Variants in GPHN observed in about 807,000 individuals in gnomAD.
The protein encoded by GPHN is gephyrin.
In GPHN, 17 loss-of-function variants were observed where a neutral mutation model predicts 95.5. The ratio of observed to expected loss-of-function variants is 0.18; its 90% CI spans 0.12 to 0.27. The LOEUF (loss-of-function observed/expected upper bound fraction) is 0.27. Among genes scored for constraint, GPHN ranks in the 10% least tolerant of loss-of-function variants. The pLI, the probability that GPHN is intolerant of heterozygous loss-of-function variation, is 1.00. For synonymous variants in GPHN, 320 were observed against 322.5 expected (o/e 0.99, Z 0.08); for missense variants, 660 against 978.1 (o/e 0.67, Z 4.34).
At chr14:67,010,058 C>T (rs146120876) in intron 9 of GPHN, among the ~76,000 whole-genome samples, 5 of 151,866 alleles carry the variant, frequency 3.3e-5, no homozygotes, top group South Asian at 2.1e-4. Context: ...CATGCCCAGC[C>T]GTGTTTTTCT....
chr14:67,288,186 TCTCCTGCCTCAGC>T, the GPHN span, among the ~76,000 whole-genome samples: 9 of 152,080 alleles, frequency 5.9e-5, no homozygotes, highest in African/African-American at 1.7e-4. Flanking sequence ...TTCAAGCGAT[TCTCCTGCCTCAGC>T]CTCCCAAGTA....
At chr14:66,642,817 A>T (rs2064499991) in intron 1 of GPHN, among the ~76,000 whole-genome samples, 2 of 152,080 alleles carry the variant, frequency 1.3e-5, no homozygotes, top group Admixed American at 1.3e-4. Flanking sequence ...AAATATGCTT[A>T]TTGACATACA....
chr14:67,715,941 AT>A, the GPHN span, among the ~76,000 whole-genome samples: 1 of 152,220 alleles, frequency 6.6e-6, no homozygotes, highest in Non-Finnish European at 1.5e-5. Flanking sequence ...TACGCCTGTA[AT>A]CCCAGCACTT....
In GPHN at chr14:66,965,282, A is replaced by T. The variant is rs758031359; in HGVS notation, c.920A>T (p.Gln307Leu). 1.2e-6 allele frequency: 2 copies of T among 1,613,624 alleles called. No individual in the cohort carries two copies. The highest frequency in any genetic ancestry group is 1.7e-6 in the Non-Finnish European group (2 of 1,179,692). The change falls in exon 9 of 23, where the codon CAG (glutamine) becomes CTG (leucine). Residue 307 changes from glutamine (Q) to leucine (L), a missense_variant. Coordinates refer to ENST00000478722, the MANE Select transcript of GPHN (RefSeq NM_020806.5). Reference protein sequence around the residue: ...STTPSESPRAQATSRLSTASC... With the variant: ...STTPSESPRALATSRLSTASC... Reference sequence around the variant, plus strand: ...ACTCCTTCAGAATCGCCTCGTGCTCAGGCTACATCTCGCCTCTCTACAGCT... The same window carrying T: ...ACTCCTTCAGAATCGCCTCGTGCTCTGGCTACATCTCGCCTCTCTACAGCT...
the GPHN span, chr14:67,340,313 T>C: frequency 4.0e-6 from 3 of 752,380 alleles, no homozygotes; most frequent in South Asian, 6.1e-5. Flanking sequence ...TTCTTGCTGC[T>C]TATTTATCAG....
At chr14:67,179,527 G>GTGAGA in intron 21 of GPHN, 51 bp from the exon 22 acceptor site, 1 of 1,013,298 alleles carries the variant, frequency 9.9e-7, no homozygotes, top group Non-Finnish European at 1.6e-6. Flanking sequence ...TTGTATTTTT[G>GTGAGA]TGAGATGATC....
intron 1 of GPHN, among the ~76,000 whole-genome samples, chr14:66,597,779 G>C (rs2062044890): frequency 1.3e-5 from 2 of 152,190 alleles, no homozygotes; most frequent in South Asian, 4.1e-4. Flanking sequence ...CCACACTGCA[G>C]CTGGCATCAT....
intron 4 of GPHN, among the ~76,000 whole-genome samples, chr14:66,840,970 G>GAT (rs2062052069): frequency 1.6e-5 from 2 of 121,296 alleles, no homozygotes; most frequent in East Asian, 2.4e-4. Context: ...AAGCCTACTA[G>GAT]ATAGATATAG....
chr14:67,355,078 C>G, the GPHN span, among the ~76,000 whole-genome samples: 1 of 152,122 alleles, frequency 6.6e-6, no homozygotes, highest in Non-Finnish European at 1.5e-5. Context: ...TCACAAAGTG[C>G]TAGGATTACA....
chr14:67,118,795 C>G (rs948495922), intron 16 of GPHN, among the ~76,000 whole-genome samples: 1 of 151,314 alleles, frequency 6.6e-6, no homozygotes, highest in Non-Finnish European at 1.5e-5. Context: ...TAATTTATGT[C>G]CTACTTTTAG....
rs563416185 is a variant in GPHN, at chr14:66,712,734, G to C, written c.143+31549G>C. Among the ~76,000 whole-genome samples the C allele has an allele frequency of 4.2e-4, 64 of 152,284 alleles. No homozygotes were observed. In the South Asian group the frequency reaches 0.013, roughly 31 times the overall value. On this transcript the variant is annotated intron_variant, in intron 2 of 22. Coordinates refer to ENST00000478722, the MANE Select transcript of GPHN (RefSeq NM_020806.5). ...AGGAATCTCCACACTGTTTTCCATAGTGGTTCTACTAGTTTACATTCCTAC... is the reference window on the plus strand; with the variant it reads ...AGGAATCTCCACACTGTTTTCCATACTGGTTCTACTAGTTTACATTCCTAC...
intron 1 of GPHN, among the ~76,000 whole-genome samples, chr14:66,666,372 A>G (rs909923397): frequency 6.6e-6 from 1 of 151,540 alleles, no homozygotes; most frequent in Non-Finnish European, 1.5e-5. Flanking sequence ...TGATAACATT[A>G]TGAACTTACT....
At chr14:67,730,835 G>A in the GPHN span, among the ~76,000 whole-genome samples, 20 of 152,136 alleles carry the variant, frequency 1.3e-4, no homozygotes, top group African/African-American at 3.9e-4. Context: ...AACTCCTGAC[G>A]TCAGTTGATC....
chr14:67,449,058 C>G, the GPHN span, among the ~76,000 whole-genome samples: 1 of 152,164 alleles, frequency 6.6e-6, no homozygotes, highest in Non-Finnish European at 1.5e-5. Context: ...GATAGCCAAC[C>G]AGGAAGGGCC....
At chr14:67,494,339 G>A in the GPHN span, among the ~76,000 whole-genome samples, 8 of 152,210 alleles carry the variant, frequency 5.3e-5, no homozygotes, top group East Asian at 1.9e-4. Flanking sequence ...GAGAAAGGCC[G>A]AGAAGAGAAT....
chr14:67,583,644 G>A, the GPHN span: 5 of 850,256 alleles, frequency 5.9e-6, no homozygotes, highest in Middle Eastern at 2.4e-4. Context: ...CCACCAATAG[G>A]GTAATAAAGA....
the GPHN span, chr14:67,364,597 A>T: frequency 1.3e-5 from 8 of 621,684 alleles, no homozygotes; most frequent in African/African-American, 1.5e-4. Flanking sequence ...TGGTTCCTGA[A>T]CATTATCTGT....
chr14:67,379,310 A>T, the GPHN span, among the ~76,000 whole-genome samples: 7 of 152,340 alleles, frequency 4.6e-5, no homozygotes, highest in South Asian at 1.4e-3. Flanking sequence ...TTTGGTATAT[A>T]TCTGATTTTT....
Position 66,924,271 on chromosome 14 carries a change from C to T in GPHN, c.807C>T (p.Ser269=), listed in dbSNP as rs1475040266. 6.2e-7 allele frequency: 1 copy of T among 1,604,082 alleles called. No homozygotes were observed. Among genetic ancestry groups the T allele is most frequent in the Non-Finnish European group, 8.5e-7 (1 of 1,170,864 alleles). Residue 269 remains serine, a synonymous_variant, in exon 8 of 23, where the codon TCC becomes TCT. Transcript: ENST00000478722. ...CCATCCCTGGTCTCATCAATTATTCCCATCATTCAACAGATGAACGGGTAA... is the reference window on the plus strand; with the variant it reads ...CCATCCCTGGTCTCATCAATTATTCTCATCATTCAACAGATGAACGGGTAA... ...EQPIPGLINY[S]HHSTDERIPD...
Sources: gnomAD v4.1 joint callset for allele counts (sites outside exome capture counted in the v4.1 genomes callset) on GRCh38, gnomAD v4.1.1 for gene constraint, MANE v1.5 for transcripts, NCBI Gene and HGNC (gene_info 2026-07-23, HGNC 2026-07-21) for gene names.